The following EFR3A variants were observed in gnomAD, a reference collection of about 807,000 sequenced individuals.
The protein encoded by EFR3A is protein EFR3 homolog A.
EFR3A carries 76 observed loss-of-function variants against 104.4 expected under a neutral mutation model. The observed-to-expected ratio is 0.73, with a 90% CI of 0.60 to 0.88. EFR3A has a LOEUF of 0.88. Among genes scored for constraint, EFR3A ranks in the 40% least tolerant of loss-of-function variants. EFR3A has a pLI of 0.00. For missense variants in EFR3A, 985 were observed against 1,012.5 expected (o/e 0.97, Z 0.37); for synonymous variants, 330 against 330.0 (o/e 1.00, Z 0.00).
chr8:131,954,067 A>G (rs1818850342), intron 6 of EFR3A, 100 bp downstream of exon 6: 3 of 1,181,016 alleles, frequency 2.5e-6, no homozygotes, highest in Admixed American at 3.5e-5. Context: ...CTCTGTAAAC[A>G]GTAGTCTCGT....
At chr8:131,981,199 C>T (rs77442957) in intron 14 of EFR3A, among the ~76,000 whole-genome samples, 117 of 151,986 alleles carry the variant, frequency 7.7e-4, no homozygotes, top group African/African-American at 2.6e-3. Context: ...TGACATTAAA[C>T]AGTCATGAAC....
chr8:131,981,017 C>T (rs1158818218), intron 14 of EFR3A, among the ~76,000 whole-genome samples: 1 of 109,986 alleles, frequency 9.1e-6, no homozygotes, highest in Non-Finnish European at 1.8e-5. Flanking sequence ...AATAGTATTT[C>T]ATTTTATATA....
intron 19 of EFR3A, among the ~76,000 whole-genome samples, chr8:131,997,925 C>G (rs143683395): frequency 6.6e-6 from 1 of 152,144 alleles, no homozygotes; most frequent in African/African-American, 2.4e-5. Flanking sequence ...TGCATAAAGA[C>G]TCAATGTAGG....
At chr8:131,931,289 T>C (rs1456585833) in intron 1 of EFR3A, among the ~76,000 whole-genome samples, 1 of 152,150 alleles carries the variant, frequency 6.6e-6, no homozygotes, top group East Asian at 1.9e-4. Context: ...CCTTGTACAA[T>C]TAAAGAATAA....
At chr8:131,936,360 C>G (rs921650737) in intron 1 of EFR3A, among the ~76,000 whole-genome samples, 1 of 152,072 alleles carries the variant, frequency 6.6e-6, no homozygotes, top group Non-Finnish European at 1.5e-5. Context: ...CCCCAAGCAC[C>G]GAGCTAGCAA....
intron 18 of EFR3A, among the ~76,000 whole-genome samples, chr8:131,994,740 C>T (rs993295739): frequency 4.6e-5 from 7 of 151,994 alleles, no homozygotes; most frequent in African/African-American, 1.5e-4. Context: ...TTTAGAGATG[C>T]GGAATTGGAT....
chr8:131,940,365 A>T, intron 1 of EFR3A, 134 bp from the exon 2 acceptor site: 1 of 829,908 alleles, frequency 1.2e-6, no homozygotes, highest in Non-Finnish European at 1.8e-6. Context: ...CACTGATTAC[A>T]TTTGTATGTC....
At chr8:131,927,311 C>T (rs1817350973) in intron 1 of EFR3A, among the ~76,000 whole-genome samples, 1 of 152,068 alleles carries the variant, frequency 6.6e-6, no homozygotes. Flanking sequence ...TTGCCACTGC[C>T]TTTTTTTGTA....
chr8:131,946,430 G>A (rs1396851072), intron 3 of EFR3A, 53 bp from the exon 4 acceptor site: 1 of 1,435,116 alleles, frequency 7.0e-7, no homozygotes, highest in African/African-American at 1.5e-5. Flanking sequence ...AAAGCACTTA[G>A]GAGAATTAAG....
At chr8:131,950,998 A>T (rs1818673635) in intron 5 of EFR3A, among the ~76,000 whole-genome samples, 1 of 152,182 alleles carries the variant, frequency 6.6e-6, no homozygotes, top group Non-Finnish European at 1.5e-5. Context: ...TCTACACCTA[A>T]AAAACAAGAA....
At chr8:131,909,867 G>A (rs1291766654) in intron 1 of EFR3A, among the ~76,000 whole-genome samples, 2 of 152,190 alleles carry the variant, frequency 1.3e-5, no homozygotes, top group East Asian at 1.9e-4. Context: ...ATTGTCCCTG[G>A]TTGAGAACCA....
At chr8:131,961,604 C>G (rs575961251) in intron 8 of EFR3A, among the ~76,000 whole-genome samples, 1 of 152,098 alleles carries the variant, frequency 6.6e-6, no homozygotes, top group Non-Finnish European at 1.5e-5. Flanking sequence ...CTGAAAGTGA[C>G]GGGGAGAATG....
At chr8:131,962,571 A>G (rs1563668117) in intron 8 of EFR3A, among the ~76,000 whole-genome samples, 1 of 152,196 alleles carries the variant, frequency 6.6e-6, no homozygotes, top group Non-Finnish European at 1.5e-5. Flanking sequence ...AAGTCGTTAG[A>G]GACTAGAAAG....
Position 131,953,114 on chromosome 8 carries a change from A to C in EFR3A, c.489-704A>C, listed in dbSNP as rs550632947. ...CTCATTCTTGAACCTATAGATTTTTATTTTCTTTTGCTTTTTTAAAGAAGT... is the reference window on the plus strand; with the variant it reads ...CTCATTCTTGAACCTATAGATTTTTCTTTTCTTTTGCTTTTTTAAAGAAGT... On this transcript the variant is annotated intron_variant, in intron 5 of 22. Transcript: ENST00000254624. Among the ~76,000 whole-genome samples, 6 of 151,576 alleles carry C rather than the reference A, an allele frequency of 4.0e-5. No individual in the cohort carries two copies. The South Asian group carries it at 1.0e-3, about 26-fold the overall frequency.
At chr8:131,965,770 A>G (rs1408580560) in intron 8 of EFR3A, among the ~76,000 whole-genome samples, 5 of 152,030 alleles carry the variant, frequency 3.3e-5, no homozygotes, top group Non-Finnish European at 7.4e-5. Flanking sequence ...ACGTATGTTT[A>G]TTGCGGCACT....
intron 1 of EFR3A, among the ~76,000 whole-genome samples, chr8:131,924,712 T>C (rs953326005): frequency 2.6e-5 from 4 of 152,126 alleles, no homozygotes; most frequent in African/African-American, 2.4e-5. Context: ...GAGAAACTTG[T>C]CCTAATCAGT....
intron 19 of EFR3A, among the ~76,000 whole-genome samples, chr8:132,001,443 C>A (rs1245429940): frequency 6.7e-6 from 1 of 149,990 alleles, no homozygotes; most frequent in Admixed American, 6.6e-5. Context: ...GGACTCAAAT[C>A]TTCTTGTACA....
At chr8:131,988,568 T>G (rs973846640) in intron 18 of EFR3A, among the ~76,000 whole-genome samples, 6 of 152,072 alleles carry the variant, frequency 3.9e-5, no homozygotes, top group African/African-American at 1.2e-4. Context: ...CTTTAAAAGA[T>G]TGTGTTCCTC....
At chr8:131,971,681 G>A (rs1013982938) in intron 10 of EFR3A, among the ~76,000 whole-genome samples, 17 of 117,980 alleles carry the variant, frequency 1.4e-4, no homozygotes, top group South Asian at 2.6e-4. Flanking sequence ...GCAAGACTCC[G>A]TCTCAAAAAA....
Sources: allele counts gnomAD v4.1 joint callset (sites outside exome capture counted in the v4.1 genomes callset), GRCh38; gene constraint gnomAD v4.1.1; transcripts MANE v1.5; gene names NCBI Gene and HGNC (gene_info 2026-07-23, HGNC 2026-07-21).